Variants in KCNN2 observed in about 807,000 individuals in gnomAD.
KCNN2 encodes the protein potassium calcium-activated channel subfamily N member 2.
Under a neutral mutation model 55.5 loss-of-function variants are expected in KCNN2, and 24 were observed. That is an observed-to-expected ratio of 0.43 (90% CI 0.31 to 0.61). The LOEUF is 0.61. Among genes scored for constraint, KCNN2 ranks in the 20% least tolerant of loss-of-function variants. KCNN2 has a pLI of 0.08. For missense variants in KCNN2, 754 were observed against 853.6 expected (o/e 0.88, Z 1.45); for synonymous variants, 431 against 336.1 (o/e 1.28, Z -3.09).
intron 2 of KCNN2, among the ~76,000 whole-genome samples, chr5:114,242,679 C>T (rs576665668): frequency 6.6e-6 from 1 of 152,156 alleles, no homozygotes; most frequent in Non-Finnish European, 1.5e-5. Context: ...AGGAAGGAAG[C>T]AAATCGATCT....
rs1283004579 is a variant in KCNN2 at position 114,331,966 on chromosome 5, T to G, written c.-184-28979T>G. Among the ~76,000 whole-genome samples, 8 of 152,274 alleles carry G rather than the reference T, an allele frequency of 5.3e-5. 2 individuals are homozygous for G. In the South Asian group the frequency reaches 1.7e-3, roughly 32 times the overall value. On this transcript the variant is annotated intron_variant, in intron 2 of 10. Coordinates refer to the KCNN2 transcript ENST00000512097. ...TTCCCTTAAGATGTGGAGAGTTTAG[T>G]TGGAAATTTTAATGTATCCAAAATA... is the stretch of plus-strand genomic sequence containing the variant.
intron 3 of KCNN2, among the ~76,000 whole-genome samples, chr5:114,438,916 C>T (rs1200888658): frequency 6.6e-6 from 1 of 152,150 alleles, no homozygotes; most frequent in Non-Finnish European, 1.5e-5. Context: ...CGTTGGAAAG[C>T]ACATTTAATA....
chr5:114,374,204 C>T (rs1757866775), intron 2 of KCNN2, among the ~76,000 whole-genome samples: 1 of 152,118 alleles, frequency 6.6e-6, no homozygotes, highest in Non-Finnish European at 1.5e-5. Context: ...CAGCTGACTG[C>T]CTCTCCTCAC....
chr5:114,058,241 G>GGTGTGTGT (rs143709848), intron 1 of KCNN2, among the ~76,000 whole-genome samples: 2 of 150,682 alleles, frequency 1.3e-5, no homozygotes, highest in Admixed American at 6.6e-5. Context: ...ACTAGGTAGG[G>GGTGTGTGT]GTGTGTGTGT....
At chr5:114,141,308 T>C (rs1260510907) in intron 1 of KCNN2, among the ~76,000 whole-genome samples, 1 of 152,024 alleles carries the variant, frequency 6.6e-6, no homozygotes, top group Non-Finnish European at 1.5e-5. Context: ...GGCCCCGGTG[T>C]GTGATGTTCC....
rs543460286 is a variant in KCNN2, at chr5:114,242,177, A to T, written c.-185+20612A>T. The stretch of plus-strand genomic sequence containing the variant: ...TGCCTGCTTATTATTATTTAGAGGG[A>T]GGTATGATCTCTGCTTTCCATGGCT... On this transcript the variant is annotated intron_variant, in intron 2 of 10. Transcript: ENST00000512097. Among the ~76,000 whole-genome samples the T allele has an allele frequency of 7.2e-5, 11 of 152,098 alleles. 1 individual carries two copies. In the South Asian group the frequency reaches 2.3e-3, roughly 32 times the overall value.
At chr5:114,409,508 A>C (rs940359812) in intron 3 of KCNN2, among the ~76,000 whole-genome samples, 8 of 152,202 alleles carry the variant, frequency 5.3e-5, no homozygotes, top group Non-Finnish European at 1.2e-4. Flanking sequence ...GATTTGAATG[A>C]ATCCTACCAG....
chr5:114,067,563 C>G (rs926681367), intron 1 of KCNN2, among the ~76,000 whole-genome samples: 1 of 151,848 alleles, frequency 6.6e-6, no homozygotes, highest in Non-Finnish European at 1.5e-5. Context: ...TATTTTTATT[C>G]CTTTTAAGAT....
At chr5:114,402,426 T>A (rs913085335) in intron 2 of KCNN2, among the ~76,000 whole-genome samples, 1 of 152,124 alleles carries the variant, frequency 6.6e-6, no homozygotes, top group Non-Finnish European at 1.5e-5. Context: ...GGGTGTTTTG[T>A]TTTTAGTCAA....
chr5:114,259,628 A>T (rs187712245), intron 2 of KCNN2, among the ~76,000 whole-genome samples: 28 of 152,224 alleles, frequency 1.8e-4, no homozygotes, highest in Admixed American at 1.6e-3. Context: ...ATAATAATAA[A>T]AAAAAAAGTC....
At chr5:114,180,262 C>A (rs1001166843) in intron 1 of KCNN2, among the ~76,000 whole-genome samples, 1 of 152,142 alleles carries the variant, frequency 6.6e-6, no homozygotes, top group African/African-American at 2.4e-5. Flanking sequence ...CTACCCAGAA[C>A]TTCAGTCACT....
intron 6 of KCNN2, 77 bp downstream of exon 6, chr5:114,487,254 A>G: frequency 7.5e-7 from 1 of 1,325,438 alleles, no homozygotes; most frequent in Admixed American, 2.1e-5. Context: ...TTCTTGTTTC[A>G]TAAGGAAGGA....
intron 2 of KCNN2, among the ~76,000 whole-genome samples, chr5:114,241,804 ACGTATATATATATATGTGTG>A (rs1754644336): frequency 4.4e-5 from 1 of 22,988 alleles, no homozygotes; most frequent in Non-Finnish European, 8.6e-5. Flanking sequence ...GTATATATAT[ACGTATATATATATATGTGTG>A]TATATATATA....
upstream of KCNN2, among the ~76,000 whole-genome samples, chr5:114,357,180 T>A (rs1757310480): frequency 6.6e-6 from 1 of 152,096 alleles, no homozygotes; most frequent in South Asian, 2.1e-4. Flanking sequence ...GAACCCTGCT[T>A]TTTAAGGTAC....
intron 5 of KCNN2, among the ~76,000 whole-genome samples, chr5:114,477,009 A>C (rs1761997665): frequency 2.0e-5 from 3 of 152,256 alleles, no homozygotes; most frequent in Admixed American, 2.0e-4. Flanking sequence ...AAATAATTCT[A>C]AAATGCTGAA....
chr5:114,157,511 G>A (rs1221889798), intron 1 of KCNN2, among the ~76,000 whole-genome samples: 4 of 152,094 alleles, frequency 2.6e-5, no homozygotes, highest in Non-Finnish European at 5.9e-5. Context: ...AATCCTTTGG[G>A]TATATACCCA....
chr5:114,090,948 C>T (rs1751131430), intron 1 of KCNN2, among the ~76,000 whole-genome samples: 1 of 152,136 alleles, frequency 6.6e-6, no homozygotes, highest in Non-Finnish European at 1.5e-5. Flanking sequence ...AGTGATCTGC[C>T]CACCTCAGCC....
intron 2 of KCNN2, among the ~76,000 whole-genome samples, chr5:114,400,652 C>A (rs1489713586): frequency 6.6e-6 from 1 of 152,190 alleles, no homozygotes; most frequent in Admixed American, 6.5e-5. Context: ...TTTCATGCTG[C>A]CCCTTGATCA....
At chr5:114,277,286 A>T (rs1342037528) in intron 2 of KCNN2, among the ~76,000 whole-genome samples, 1 of 152,016 alleles carries the variant, frequency 6.6e-6, no homozygotes, top group Non-Finnish European at 1.5e-5. Context: ...CCTTCATTTC[A>T]ACCTTGGTGA....
Sources: gnomAD v4.1 joint callset for allele counts (sites outside exome capture counted in the v4.1 genomes callset) on GRCh38, gnomAD v4.1.1 for gene constraint, MANE v1.5 for transcripts, NCBI Gene and HGNC (gene_info 2026-07-23, HGNC 2026-07-21) for gene names.